Variants in SMOC2 observed in about 807,000 individuals in gnomAD.
SMOC2 encodes SPARC related modular calcium binding 2, also known as SPARC-related modular calcium-binding protein 2.
In SMOC2, 39 loss-of-function variants were observed where a neutral mutation model predicts 61.4. That is an observed-to-expected ratio of 0.64 (90% confidence interval 0.49 to 0.83). SMOC2 has a LOEUF of 0.83. Ranked by LOEUF, SMOC2 falls within the 40% of genes least tolerant of loss-of-function variation. SMOC2 has a pLI of 0.00. For missense variants in SMOC2, 556 were observed against 592.9 expected (o/e 0.94, Z 0.65); for synonymous variants, 247 against 239.9 (o/e 1.03, Z -0.27).
chr6:168,558,782 T>G (rs1784309667), intron 7 of SMOC2, among the ~76,000 whole-genome samples: 1 of 148,486 alleles, frequency 6.7e-6, no homozygotes, highest in African/African-American at 2.5e-5. Flanking sequence ...TGCACATGCG[T>G]ATGTGTGGGT....
chr6:168,482,480 A>G lies in SMOC2; in HGVS notation c.85-27435A>G, dbSNP rs376985401. On this transcript the variant is annotated intron_variant, in intron 1 of 12. Coordinates refer to ENST00000356284, the MANE Select transcript of SMOC2 (RefSeq NM_001166412.2). The stretch of plus-strand genomic sequence containing the variant: ...CCTCACGGCTTCACTGGTGAATTCT[A>G]CCAAACTTTAAGAAATGAATGCTAA... 7.9e-5 allele frequency among the ~76,000 whole-genome samples: 12 copies of G among 152,206 alleles called. No individual in the cohort carries two copies. The East Asian group carries it at 1.7e-3, about 22-fold the overall frequency.
intron 2 of SMOC2, among the ~76,000 whole-genome samples, chr6:168,523,112 C>T (rs532812769): frequency 5.6e-3 from 199 of 35,692 alleles, no homozygotes; most frequent in Non-Finnish European, 0.019. Flanking sequence ...GACGGAGTCT[C>T]GCTCTGTCGC....
chr6:168,653,269 CCCTGAGG>C, intron 11 of SMOC2, 41 bp downstream of exon 11: 1 of 1,533,556 alleles, frequency 6.5e-7, no homozygotes, highest in Non-Finnish European at 8.8e-7. Flanking sequence ...AGTGGTCAGG[CCCTGAGG>C]CCTGGGAGGT....
chr6:168,493,862 A>G (rs1279397755), intron 1 of SMOC2, among the ~76,000 whole-genome samples: 1 of 152,192 alleles, frequency 6.6e-6, no homozygotes, highest in Admixed American at 6.5e-5. Flanking sequence ...AACTGTCTTT[A>G]TCTTTTCTAT....
At position 168,548,784 on chromosome 6, in the gene SMOC2, CGTT is replaced by C. The variant is rs550130927; in HGVS notation, c.563-342_563-340del. On this transcript the variant is annotated intron_variant, in intron 6 of 12. Coordinates refer to ENST00000356284, the MANE Select transcript of SMOC2 (RefSeq NM_001166412.2). Reference sequence around the variant, plus strand: ...AATGAATCTTTCAACTGAGTGAAAACGTTGTATGTTATGTGAATAGCCATTTTA... The same window carrying C: ...AATGAATCTTTCAACTGAGTGAAAACGTATGTTATGTGAATAGCCATTTTA... 3.7e-3 allele frequency among the ~76,000 whole-genome samples: 570 copies of C among 152,238 alleles called. 5 individuals carry two copies. The highest frequency in any genetic ancestry group is 0.013 in the African/African-American group (536 of 41,530).
At chr6:168,507,746 A>G (rs1782908841) in intron 1 of SMOC2, among the ~76,000 whole-genome samples, 1 of 152,276 alleles carries the variant, frequency 6.6e-6, no homozygotes. Flanking sequence ...AAAACCCTGA[A>G]AGGCAATGAT....
intron 1 of SMOC2, among the ~76,000 whole-genome samples, chr6:168,450,171 T>G (rs1019161679): frequency 6.6e-6 from 1 of 152,220 alleles, no homozygotes; most frequent in African/African-American, 2.4e-5. Context: ...AAAGACAGTC[T>G]AGGCCTCTGT....
rs140001615 is a variant in SMOC2 at position 168,546,784 on chromosome 6, G to A, written c.512-335G>A. Among the ~76,000 whole-genome samples the A allele has an allele frequency of 1.7e-4, 26 of 152,250 alleles. No individual in the cohort carries two copies. In the East Asian group the frequency reaches 4.1e-3, roughly 24 times the overall value. ...TGAATTTATGACTTCTCTTTCCCAG[G>A]GCTAGACTTTCTTTACTCTAATTAT... On this transcript the variant is annotated intron_variant, in intron 5 of 12. Coordinates refer to ENST00000356284, the MANE Select transcript of SMOC2 (RefSeq NM_001166412.2).
chr6:168,577,964 G>A lies in SMOC2; in HGVS notation c.638-20854G>A, dbSNP rs145158323. Among the ~76,000 whole-genome samples, 175 of 152,322 alleles carry A rather than the reference G, an allele frequency of 1.1e-3. 1 individual carries two copies. Among genetic ancestry groups the A allele is most frequent in the African/African-American group, 4.0e-3 (168 of 41,572 alleles). ...AATGGAAGTAGTTGCGTTTGACTCT[G>A]GAGTTTGAACCCTTGGATTGCATTC... On this transcript the variant is annotated intron_variant, in intron 7 of 12. Coordinates refer to ENST00000356284, the MANE Select transcript of SMOC2 (RefSeq NM_001166412.2).
intron 8 of SMOC2, among the ~76,000 whole-genome samples, chr6:168,602,589 A>G (rs528749508): frequency 7.6e-4 from 115 of 152,230 alleles, no homozygotes; most frequent in African/African-American, 2.5e-3. Context: ...CTTTTTCAGC[A>G]CCCAGGGCAG....
At position 168,650,727 on chromosome 6, in the gene SMOC2, C is replaced by A. The variant is rs140169041; in HGVS notation, c.954C>A (p.Asp318Glu). ...KKHEFLTSVLDALSTDMVHAA... is the reference protein window; with the variant it reads ...KKHEFLTSVLEALSTDMVHAA... ...ATGAGTTTCTGACCAGCGTTCTGGA[C>A]GCGCTGTCCACGGACATGGTCCACG... Residue 318 changes from aspartate to glutamate, a missense_variant, in exon 10 of 13, where the codon GAC (aspartate) becomes GAA (glutamate). Transcript: ENST00000356284. 45 of 1,613,598 alleles carry A rather than the reference C, an allele frequency of 2.8e-5. No homozygotes were observed. Among genetic ancestry groups the A allele is most frequent in the Non-Finnish European group, 3.8e-5 (45 of 1,180,006 alleles).
At chr6:168,518,000 T>G (rs1783185675) in intron 2 of SMOC2, among the ~76,000 whole-genome samples, 1 of 152,226 alleles carries the variant, frequency 6.6e-6, no homozygotes, top group Non-Finnish European at 1.5e-5. Context: ...CAAAGAATTC[T>G]TTCTCTCTGG....
intron 1 of SMOC2, among the ~76,000 whole-genome samples, chr6:168,495,232 G>A (rs1782557776): frequency 6.6e-6 from 1 of 152,200 alleles, no homozygotes; most frequent in South Asian, 2.1e-4. Context: ...CCGGCCAAGG[G>A]AAAGGCTCCT....
intron 4 of SMOC2, among the ~76,000 whole-genome samples, chr6:168,530,320 T>C (rs948728999): frequency 2.0e-5 from 3 of 152,168 alleles, no homozygotes; most frequent in Non-Finnish European, 1.5e-5. Context: ...GAAAGATCTT[T>C]AATAGGAAAT....
chr6:168,491,268 G>A (rs6937356), intron 1 of SMOC2, among the ~76,000 whole-genome samples: 11,275 of 152,210 alleles, frequency 0.074, 1,059 homozygotes, highest in African/African-American at 0.22. Context: ...GATGCTGAAC[G>A]GACATTAACT....
chr6:168,529,101 C>T (rs372107850), intron 4 of SMOC2, among the ~76,000 whole-genome samples: 8 of 152,292 alleles, frequency 5.3e-5, no homozygotes, highest in South Asian at 4.1e-4. Context: ...GAATTTTGTA[C>T]GATCTACAAA....
intron 9 of SMOC2, among the ~76,000 whole-genome samples, chr6:168,623,876 TGGGCTGTCG>T (rs1786314142): frequency 6.6e-6 from 1 of 152,120 alleles, no homozygotes; most frequent in South Asian, 2.1e-4. Context: ...TGCTGAGGCC[TGGGCTGTCG>T]GTGCAGTGGC....
intron 11 of SMOC2, among the ~76,000 whole-genome samples, chr6:168,657,337 A>G (rs1239613477): frequency 6.6e-6 from 1 of 152,256 alleles, no homozygotes; most frequent in East Asian, 1.9e-4. Context: ...GCAGTGCTGC[A>G]TGCAGCAAGG....
intron 1 of SMOC2, among the ~76,000 whole-genome samples, chr6:168,466,059 G>T (rs1447504715): frequency 8.2e-6 from 1 of 122,136 alleles, no homozygotes; most frequent in East Asian, 2.7e-4. Context: ...AGCTGGAACT[G>T]GGGGGCTCTG....
Sources: gnomAD v4.1 joint callset for allele counts (sites outside exome capture counted in the v4.1 genomes callset) on GRCh38, gnomAD v4.1.1 for gene constraint, MANE v1.5 for transcripts, NCBI Gene and HGNC (gene_info 2026-07-23, HGNC 2026-07-21) for gene names.